The following HNMT variants were observed in gnomAD, a reference collection of about 807,000 sequenced individuals.
The protein encoded by HNMT is histamine N-methyltransferase.
In HNMT, 30 loss-of-function variants were observed where a neutral mutation model predicts 32.1. The ratio of observed to expected loss-of-function variants is 0.93; its 90% CI spans 0.70 to 1.27. The LOEUF is 1.27. HNMT is among the 50% of genes most tolerant of loss of function. HNMT has a pLI of 0.00. For missense variants in HNMT, 327 were observed against 346.0 expected (o/e 0.95, Z 0.43); for synonymous variants, 125 against 119.0 (o/e 1.05, Z -0.33).
At chr2:138,007,731 C>T (rs1372209906) in intron 5 of HNMT, among the ~76,000 whole-genome samples, 1 of 152,040 alleles carries the variant, frequency 6.6e-6, no homozygotes, top group Non-Finnish European at 1.5e-5. Context: ...TTGCCTTAAA[C>T]ATGGACATAG....
At chr2:138,013,673 A>G in intron 5 of HNMT, 102 bp from the exon 6 acceptor site, 2 of 805,484 alleles carry the variant, frequency 2.5e-6, no homozygotes, top group Non-Finnish European at 3.9e-6. Flanking sequence ...ACAAAGGACA[A>G]GATTATTATT....
intron 2 of HNMT, among the ~76,000 whole-genome samples, chr2:137,992,349 T>A (rs1680847279): frequency 6.6e-6 from 1 of 152,186 alleles, no homozygotes; most frequent in South Asian, 2.1e-4. Flanking sequence ...TCCATCTCTA[T>A]AGCCCCAGGC....
chr2:137,982,108 C>T (rs1021368804), intron 2 of HNMT, among the ~76,000 whole-genome samples: 2 of 152,176 alleles, frequency 1.3e-5, no homozygotes, highest in East Asian at 1.9e-4. Context: ...CTAGGCCTCC[C>T]GAAGTGCTGG....
intron 1 of HNMT, among the ~76,000 whole-genome samples, chr2:137,966,347 T>A (rs1234326080): frequency 6.6e-6 from 1 of 152,170 alleles, no homozygotes; most frequent in African/African-American, 2.4e-5. Context: ...CACTTTGAAA[T>A]CTTTTAGTTA....
intron 2 of HNMT, among the ~76,000 whole-genome samples, chr2:137,978,270 GTA>G (rs1241587830): frequency 1.4e-5 from 2 of 148,030 alleles, no homozygotes; most frequent in Admixed American, 6.8e-5. Context: ...ATTTATATAC[GTA>G]TATATTAACT....
At chr2:137,973,385 A>G (rs1190083097) in intron 2 of HNMT, among the ~76,000 whole-genome samples, 2 of 152,168 alleles carry the variant, frequency 1.3e-5, no homozygotes, top group East Asian at 3.9e-4. Context: ...TCCTTGCCTT[A>G]GAGAAATGGT....
intron 2 of HNMT, among the ~76,000 whole-genome samples, chr2:137,998,462 T>C (rs1681060489): frequency 6.6e-6 from 1 of 152,128 alleles, no homozygotes; most frequent in Non-Finnish European, 1.5e-5. Context: ...CAAACAAGTA[T>C]GGTCACCCTA....
At chr2:138,013,551 A>G (rs1681574236) in intron 5 of HNMT, among the ~76,000 whole-genome samples, 1 of 152,146 alleles carries the variant, frequency 6.6e-6, no homozygotes, top group African/African-American at 2.4e-5. Context: ...GCAGCCCATC[A>G]AAGTCTTTAA....
chr2:138,005,306 A>T (rs1239688973), intron 5 of HNMT, 81 bp downstream of exon 5: 36 of 675,798 alleles, frequency 5.3e-5, no homozygotes, highest in Admixed American at 1.4e-4. Flanking sequence ...AAAGAAGCTT[A>T]TATATTTTGT....
At chr2:137,970,311 T>C in intron 2 of HNMT, 94 bp downstream of exon 2, 1 of 684,486 alleles carries the variant, frequency 1.5e-6, no homozygotes, top group Non-Finnish European at 2.4e-6. Context: ...ACTTTTTTTT[T>C]TTGCTTTTGG....
chr2:137,996,578 T>C (rs1681002220), intron 2 of HNMT, among the ~76,000 whole-genome samples: 1 of 152,200 alleles, frequency 6.6e-6, no homozygotes, highest in Non-Finnish European at 1.5e-5. Flanking sequence ...ATCAATATTA[T>C]GAAAATGACC....
intron 2 of HNMT, among the ~76,000 whole-genome samples, chr2:137,992,396 G>A (rs997762912): frequency 5.1e-4 from 78 of 152,312 alleles, no homozygotes; most frequent in Middle Eastern, 3.4e-3. Context: ...GAGGCTGGAC[G>A]GCTTGGTCCC....
intron 4 of HNMT, chr2:138,002,425 C>A: frequency 1.1e-6 from 1 of 908,514 alleles, no homozygotes; most frequent in Non-Finnish European, 1.4e-6. Context: ...TACAAGTTAT[C>A]CATTTTTAAA....
In HNMT at chr2:138,014,768, T is replaced by G. The variant is rs563148016; in HGVS notation, c.*638T>G. Reference sequence around the variant, plus strand: ...AGTTTTCTATTATATTCAGCCAGATTTTTTTTTAAGTCTCGGCTTCTGATA... The same window carrying G: ...AGTTTTCTATTATATTCAGCCAGATGTTTTTTTAAGTCTCGGCTTCTGATA... On this transcript the variant is annotated 3_prime_UTR_variant, in exon 6 of 6. Transcript: ENST00000280097. The G allele has an allele frequency of 2.6e-5, 4 of 151,934 alleles. No homozygotes were observed. In the South Asian group the frequency reaches 6.2e-4, roughly 24 times the overall value. 9.4% of individuals were successfully genotyped at this position (151,934 alleles called of 1,614,324 possible).
In HNMT at chr2:137,983,383, G is replaced by A. The variant is rs184381108; in HGVS notation, c.190+13166G>A. On this transcript the variant is annotated intron_variant, in intron 2 of 5. Transcript: ENST00000280097. ...TGCACTTAATGTGTTTTATGTTTCC[G>A]ATTACCAATCTGTACATTTTTATTC... Among the ~76,000 whole-genome samples the A allele has an allele frequency of 1.3e-3, 195 of 152,004 alleles. 1 individual carries two copies. In the Middle Eastern group the frequency reaches 0.014, roughly 11 times the overall value.
chr2:137,977,978 G>A (rs1479541789), intron 2 of HNMT, among the ~76,000 whole-genome samples: 2 of 151,900 alleles, frequency 1.3e-5, no homozygotes, highest in African/African-American at 4.8e-5. Flanking sequence ...AGTCCAGGAG[G>A]GCTGCTAGGA....
At chr2:137,998,666 C>T (rs1281211465) in intron 2 of HNMT, among the ~76,000 whole-genome samples, 1 of 152,076 alleles carries the variant, frequency 6.6e-6, no homozygotes, top group Non-Finnish European at 1.5e-5. Flanking sequence ...CTATCAGTGC[C>T]CCAGGGAGAG....
chr2:138,005,216 G>C lies in HNMT; in HGVS notation c.514G>C (p.Val172Leu), dbSNP rs758469686. 3.2e-6 allele frequency: 5 copies of C among 1,566,860 alleles called. No individual in the cohort carries two copies. In the South Asian group the frequency reaches 4.5e-5, roughly 14 times the overall value. Residue 172 changes from valine (V) to leucine (L), a missense_variant, in exon 5 of 6, where the codon GTT (valine) becomes CTT (leucine). Physicochemically the swap from Val to Leu is conservative, Grantham distance 32. Transcript: ENST00000280097. ...TACCAATGCTAAGATGCTCATTATT[G>C]TTGTGTCAGGTAAGTTATTTTCATT... is the stretch of plus-strand genomic sequence containing the variant. ...LGTNAKMLII[V>L]VSGSSGWDKL...
intron 2 of HNMT, among the ~76,000 whole-genome samples, chr2:137,996,454 C>G (rs1248838166): frequency 6.6e-6 from 1 of 152,070 alleles, no homozygotes; most frequent in Non-Finnish European, 1.5e-5. Context: ...CCTAGGAATA[C>G]AGCTAACAAG....
Sources: allele counts gnomAD v4.1 joint callset (sites outside exome capture counted in the v4.1 genomes callset), GRCh38; gene constraint gnomAD v4.1.1; transcripts MANE v1.5; gene names NCBI Gene and HGNC (gene_info 2026-07-23, HGNC 2026-07-21).